ARHGEF28: variants seen among roughly 807,000 people sequenced by gnomAD.
ARHGEF28 encodes 190 kDa guanine nucleotide exchange factor.
A neutral mutation model predicts 206.6 loss-of-function variants in ARHGEF28; 152 were observed. That is an observed-to-expected ratio of 0.74 (90% confidence interval 0.64 to 0.84). The LOEUF is 0.84. Among genes scored for constraint, ARHGEF28 ranks in the 40% least tolerant of loss-of-function variants. The pLI is 0.00. For synonymous variants in ARHGEF28, 763 were observed against 776.4 expected (o/e 0.98, Z 0.29); for missense variants, 2,028 against 2,073.2 (o/e 0.98, Z 0.42).
At chr5:73,639,570 T>C (rs1209512657) in intron 1 of ARHGEF28, among the ~76,000 whole-genome samples, 1 of 152,146 alleles carries the variant, frequency 6.6e-6, no homozygotes, top group Non-Finnish European at 1.5e-5. Flanking sequence ...AGTCTCTTTA[T>C]TGAACATAGG....
chr5:73,761,739 T>C (rs1014601611), intron 4 of ARHGEF28, among the ~76,000 whole-genome samples: 1 of 152,180 alleles, frequency 6.6e-6, no homozygotes, highest in African/African-American at 2.4e-5. Context: ...GTATGTGTAC[T>C]GTGAGTGGCG....
chr5:73,743,809 A>T (rs1303944781), intron 2 of ARHGEF28, among the ~76,000 whole-genome samples: 1 of 152,146 alleles, frequency 6.6e-6, no homozygotes, highest in Admixed American at 6.5e-5. Flanking sequence ...CCCTCACCGT[A>T]TCTATCTGTA....
intron 17 of ARHGEF28, among the ~76,000 whole-genome samples, chr5:73,865,122 G>T (rs1451298314): frequency 1.3e-5 from 2 of 152,180 alleles, no homozygotes; most frequent in Non-Finnish European, 2.9e-5. Context: ...AGACCTGCTT[G>T]GTTTACCAGT....
intron 9 of ARHGEF28, among the ~76,000 whole-genome samples, chr5:73,815,923 T>C (rs58430281): frequency 0.076 from 11,639 of 152,212 alleles, 774 homozygotes; most frequent in African/African-American, 0.17. Flanking sequence ...AGACCATGTT[T>C]CACACTTGCG....
intron 1 of ARHGEF28, among the ~76,000 whole-genome samples, chr5:73,637,588 T>G (rs1743805934): frequency 6.6e-6 from 1 of 152,266 alleles, no homozygotes; most frequent in Non-Finnish European, 1.5e-5. Flanking sequence ...ACTTGCTGAG[T>G]GTAGGGGCTC....
At chr5:73,671,701 T>C (rs1363016619) in intron 1 of ARHGEF28, among the ~76,000 whole-genome samples, 1 of 11,114 alleles carries the variant, frequency 9.0e-5, no homozygotes, top group Admixed American at 1.3e-3. Context: ...TGATTATATA[T>C]ATATATATAT....
intron 1 of ARHGEF28, among the ~76,000 whole-genome samples, chr5:73,680,295 C>T (rs148159521): frequency 0.045 from 6,782 of 151,422 alleles, 167 homozygotes; most frequent in East Asian, 0.1. Context: ...ATTAGCTGGG[C>T]GTGGTGGTGG....
chr5:73,928,800 G>C (rs1432724067), intron 35 of ARHGEF28, among the ~76,000 whole-genome samples: 2 of 152,130 alleles, frequency 1.3e-5, no homozygotes, highest in Non-Finnish European at 2.9e-5. Context: ...TTTTTGCCAA[G>C]GTACTTAGAA....
intron 15 of ARHGEF28, 100 bp downstream of exon 15, chr5:73,857,879 G>C: frequency 2.8e-6 from 4 of 1,428,040 alleles, no homozygotes; most frequent in Non-Finnish European, 3.8e-6. Context: ...ACTTACCTTA[G>C]ATTTTATTTA....
At chr5:73,671,954 A>C (rs1746374783) in intron 1 of ARHGEF28, among the ~76,000 whole-genome samples, 1 of 151,176 alleles carries the variant, frequency 6.6e-6, no homozygotes, top group African/African-American at 2.4e-5. Context: ...ATGGGGTTTC[A>C]CTATGTTGGT....
chr5:73,811,158 T>C (rs1262385344), intron 9 of ARHGEF28, among the ~76,000 whole-genome samples: 1 of 152,176 alleles, frequency 6.6e-6, no homozygotes, highest in African/African-American at 2.4e-5. Flanking sequence ...AACACTATTT[T>C]GGTTTGGTGA....
At chr5:73,646,459 C>CT (rs1744429344) in intron 1 of ARHGEF28, among the ~76,000 whole-genome samples, 1 of 152,154 alleles carries the variant, frequency 6.6e-6, no homozygotes. Context: ...ATTTGACCTG[C>CT]TTTTTTGCAG....
intron 2 of ARHGEF28, among the ~76,000 whole-genome samples, chr5:73,720,504 A>G (rs1285471789): frequency 2.6e-5 from 4 of 152,178 alleles, no homozygotes; most frequent in African/African-American, 7.2e-5. Context: ...CAGGGATTTC[A>G]GAGGTGAGAT....
chr5:73,820,971 G>A (rs781452296), intron 9 of ARHGEF28, among the ~76,000 whole-genome samples: 51 of 152,072 alleles, frequency 3.4e-4, no homozygotes, highest in Non-Finnish European at 6.5e-4. Flanking sequence ...AAAACCCACC[G>A]ACCCTCAGAG....
At chr5:73,685,049 A>C (rs947934322) in intron 2 of ARHGEF28, among the ~76,000 whole-genome samples, 165 bp downstream of exon 2, 2 of 152,198 alleles carry the variant, frequency 1.3e-5, no homozygotes, top group Admixed American at 1.3e-4. Flanking sequence ...GGAGCGTTTT[A>C]AAACTGGTTG....
rs146639314 is a variant in ARHGEF28, at chr5:73,890,457, A to G, written c.3388-1595A>G. Among the ~76,000 whole-genome samples, 380 of 152,322 alleles carry G rather than the reference A, an allele frequency of 2.5e-3. 2 individuals carry two copies. Among genetic ancestry groups the G allele is most frequent in the African/African-American group, 8.8e-3 (367 of 41,568 alleles). On this transcript the variant is annotated intron_variant, in intron 26 of 35. Coordinates refer to ENST00000513042, the MANE Select transcript of ARHGEF28 (RefSeq NM_001177693.2). ...CATAATAGAATAAGCCAGATTAACA[A>G]TGCTCCAAGGATCTCCCTAATTAGA...
In ARHGEF28 at chr5:73,840,893, T is replaced by G. The variant is rs2973574; in HGVS notation, c.1427+133T>G. ...GCCCATCAAAATGTCCCCTTTTAGG[T>G]TCCTATATTCACTGATTTGAAAGTA... On this transcript the variant is annotated intron_variant, in intron 11 of 35. Transcript: ENST00000513042. The G allele has an allele frequency of 0.39, 385,799 of 995,072 alleles. 77,813 individuals carry two copies. The highest frequency in any genetic ancestry group is 0.58 in the East Asian group (21,929 of 37,976). 61.6% of individuals were successfully genotyped at this position (995,072 alleles called of 1,614,324 possible). A position where few individuals can be genotyped will look rare whatever the true frequency, so the allele number is the denominator to read the frequency against.
At chr5:73,864,204 G>C (rs1274317166) in intron 16 of ARHGEF28, among the ~76,000 whole-genome samples, 1 of 152,110 alleles carries the variant, frequency 6.6e-6, no homozygotes, top group Non-Finnish European at 1.5e-5. Context: ...GGGCAGAAAG[G>C]GGCAGGGAAA....
At chr5:73,651,732 A>G (rs997917903) in intron 1 of ARHGEF28, among the ~76,000 whole-genome samples, 12 of 152,204 alleles carry the variant, frequency 7.9e-5, no homozygotes, top group Admixed American at 5.2e-4. Flanking sequence ...ATATACAATT[A>G]TCTGTTTCTG....
Sources: gnomAD v4.1 joint callset for allele counts (sites outside exome capture counted in the v4.1 genomes callset) on GRCh38, gnomAD v4.1.1 for gene constraint, MANE v1.5 for transcripts, NCBI Gene and HGNC (gene_info 2026-07-23, HGNC 2026-07-21) for gene names.